The following DRG1 variants were observed in gnomAD, a reference collection of about 807,000 sequenced individuals.
The protein encoded by DRG1 is developmentally regulated GTP binding protein 1, also known as developmentally-regulated GTP-binding protein 1.
A neutral mutation model predicts 38.8 loss-of-function variants in DRG1; 19 were observed. The ratio of observed to expected loss-of-function variants is 0.49; its 90% CI spans 0.34 to 0.72. The LOEUF (loss-of-function observed/expected upper bound fraction) is 0.72, where lower values mean the gene tolerates loss of function less well. DRG1 is among the 30% of genes least tolerant of loss of function. The pLI is 0.01. For synonymous variants in DRG1, 167 were observed against 157.5 expected (o/e 1.06, Z -0.45); for missense variants, 299 against 444.8 (o/e 0.67, Z 2.95).
At chr22:31,418,932 C>G (rs973677967) in intron 4 of DRG1, among the ~76,000 whole-genome samples, 1 of 152,164 alleles carries the variant, frequency 6.6e-6, no homozygotes, top group Admixed American at 6.6e-5. Context: ...CCTCCTGCCT[C>G]AGCGTCCCGA....
chr22:31,423,097 G>A (rs1283047815), intron 5 of DRG1, among the ~76,000 whole-genome samples, 183 bp from the exon 6 acceptor site: 4 of 152,172 alleles, frequency 2.6e-5, no homozygotes, highest in Non-Finnish European at 5.9e-5. Flanking sequence ...AGTTCAGCGT[G>A]TAACACCTTC....
At chr22:31,420,881 A>G (rs1052282799) in intron 5 of DRG1, among the ~76,000 whole-genome samples, 16 of 152,352 alleles carry the variant, frequency 1.1e-4, no homozygotes, top group East Asian at 3.9e-4. Context: ...GTATTCGTCA[A>G]TGATAAATAT....
At chr22:31,411,747 G>T (rs180703117) in intron 4 of DRG1, among the ~76,000 whole-genome samples, 1 of 151,362 alleles carries the variant, frequency 6.6e-6, no homozygotes, top group Admixed American at 6.6e-5. Flanking sequence ...CCAGGCTGAA[G>T]CTCAAGTGAT....
intron 8 of DRG1, among the ~76,000 whole-genome samples, chr22:31,433,001 A>G (rs2050149536): frequency 6.6e-6 from 1 of 151,988 alleles, no homozygotes; most frequent in Admixed American, 6.6e-5. Flanking sequence ...TCTCTAGCAC[A>G]ACATATTCTT....
chr22:31,420,304 C>T lies in DRG1; in HGVS notation c.461C>T (p.Pro154Leu). The change falls in exon 5 of 9, where the codon CCT becomes CTT. Residue 154 changes from proline (P) to leucine (L), a missense_variant. Physicochemically the swap from Pro to Leu is moderately conservative, Grantham distance 98. Around this residue, in one of 3 missense-constraint regions of DRG1, gnomAD observed 198 missense variants for 268.1 expected, o/e 0.74. Coordinates refer to ENST00000331457, the MANE Select transcript of DRG1 (RefSeq NM_004147.4). ...LILIVLDVLK[P>L]LGHKKIIENE... ...TTGATTGTTCTGGATGTCCTGAAAC[C>T]TTTGGGACATAAGAAGATAATTGAA... 6.2e-7 allele frequency: 1 copy of T among 1,614,108 alleles called. No individual in the cohort carries two copies. Among genetic ancestry groups the T allele is most frequent in the Non-Finnish European group, 8.5e-7 (1 of 1,180,024 alleles).
At chr22:31,406,352 TAAAC>T (rs769676002) in intron 3 of DRG1, among the ~76,000 whole-genome samples, 5 of 152,282 alleles carry the variant, frequency 3.3e-5, no homozygotes, top group Non-Finnish European at 4.4e-5. Flanking sequence ...GAACTTTACA[TAAAC>T]AAAAACCACA....
At chr22:31,430,399 T>C (rs968211629) in intron 8 of DRG1, among the ~76,000 whole-genome samples, 2 of 152,004 alleles carry the variant, frequency 1.3e-5, no homozygotes, top group Non-Finnish European at 2.9e-5. Flanking sequence ...GGTTAATTTT[T>C]TTTTTTTTTT....
In DRG1 at chr22:31,418,034, C is replaced by T. The variant is rs549925209; in HGVS notation, c.413-2222C>T. Among the ~76,000 whole-genome samples, 25 of 151,222 alleles carry T rather than the reference C, an allele frequency of 1.7e-4. No individual in the cohort carries two copies. In the South Asian group the frequency reaches 4.8e-3, roughly 29 times the overall value. ...CACTGAGGCTGGGCATGGTGGCTCACGCCTGTAATCCCAACACTTTGGGAG... is the reference window on the plus strand; with the variant it reads ...CACTGAGGCTGGGCATGGTGGCTCATGCCTGTAATCCCAACACTTTGGGAG... On this transcript the variant is annotated intron_variant, in intron 4 of 8. Transcript: ENST00000331457.
chr22:31,427,703 C>G (rs2050118547), intron 8 of DRG1, among the ~76,000 whole-genome samples: 1 of 152,084 alleles, frequency 6.6e-6, no homozygotes, highest in Non-Finnish European at 1.5e-5. Context: ...GTAGCTGGGA[C>G]TACAGGTGCA....
chr22:31,423,523 CTTT>C (rs1229925627), intron 6 of DRG1, 113 bp downstream of exon 6: 19,337 of 468,496 alleles, frequency 0.041, no homozygotes, highest in East Asian at 0.079. Flanking sequence ...GTCCTACTGT[CTTT>C]TTTTTTTTTT....
intron 1 of DRG1, among the ~76,000 whole-genome samples, chr22:31,400,270 TGA>T (rs1333638444): frequency 6.6e-6 from 1 of 151,984 alleles, no homozygotes; most frequent in Non-Finnish European, 1.5e-5. Context: ...GGATAGTGTG[TGA>T]TTCCATTGCG....
chr22:31,415,329 A>G (rs570305371), intron 4 of DRG1, among the ~76,000 whole-genome samples: 1 of 152,258 alleles, frequency 6.6e-6, no homozygotes, highest in South Asian at 2.1e-4. Flanking sequence ...GATGCAGAAT[A>G]TTTTCATTAT....
chr22:31,403,776 C>T (rs775228600), intron 3 of DRG1, among the ~76,000 whole-genome samples: 15 of 152,044 alleles, frequency 9.9e-5, no homozygotes, highest in East Asian at 3.9e-4. Flanking sequence ...CCACCGCGCC[C>T]GGCCCCCTGG....
chr22:31,412,789 A>T (rs2050025075), intron 4 of DRG1, among the ~76,000 whole-genome samples: 1 of 151,172 alleles, frequency 6.6e-6, no homozygotes, highest in Non-Finnish European at 1.5e-5. Context: ...CCCTGGACTC[A>T]GGTTATCCAC....
intron 3 of DRG1, 99 bp from the exon 4 acceptor site, chr22:31,410,913 A>C: frequency 7.9e-7 from 1 of 1,273,680 alleles, no homozygotes; most frequent in Non-Finnish European, 1.1e-6. Flanking sequence ...GGGTCTGATA[A>C]ATTATAGGTA....
At chr22:31,430,841 C>G (rs1443817813) in intron 8 of DRG1, among the ~76,000 whole-genome samples, 1 of 152,004 alleles carries the variant, frequency 6.6e-6, no homozygotes, top group Non-Finnish European at 1.5e-5. Flanking sequence ...ACCTCAGTTT[C>G]TGAATAGCTG....
intron 4 of DRG1, among the ~76,000 whole-genome samples, chr22:31,412,979 T>C (rs998467600): frequency 5.3e-5 from 8 of 152,202 alleles, no homozygotes; most frequent in Admixed American, 4.6e-4. Flanking sequence ...ATGACTCATA[T>C]CTTTCATTTT....
At chr22:31,408,717 C>T (rs1046269221) in intron 3 of DRG1, among the ~76,000 whole-genome samples, 10 of 139,198 alleles carry the variant, frequency 7.2e-5, no homozygotes, top group East Asian at 4.6e-4. Flanking sequence ...TGCACCACTG[C>T]ACTTCAGCCT....
intron 3 of DRG1, among the ~76,000 whole-genome samples, chr22:31,404,359 C>T (rs2145858323): frequency 6.6e-6 from 1 of 151,084 alleles, no homozygotes; most frequent in East Asian, 2.0e-4. Context: ...CCCGCTTCAG[C>T]CTCCCGAGTA....
Sources: allele counts gnomAD v4.1 joint callset (sites outside exome capture counted in the v4.1 genomes callset), GRCh38; gene constraint gnomAD v4.1.1; regional missense constraint gnomAD v4.1.1; transcripts MANE v1.5; gene names NCBI Gene and HGNC (gene_info 2026-07-23, HGNC 2026-07-21).